The following TOX3 variants were observed in gnomAD, a reference collection of about 807,000 sequenced individuals.
The protein encoded by TOX3 is CAG trinucleotide repeat-containing gene F9 protein.
A neutral mutation model predicts 64.3 loss-of-function variants in TOX3; 22 were observed. That is an observed-to-expected ratio of 0.34 (90% confidence interval 0.24 to 0.49). The LOEUF (loss-of-function observed/expected upper bound fraction) is 0.49, where lower values mean the gene tolerates loss of function less well. Ranked by LOEUF, TOX3 falls within the 20% of genes least tolerant of loss-of-function variation. The pLI is 0.99. For synonymous variants in TOX3, 291 were observed against 273.6 expected (o/e 1.06, Z -0.63); for missense variants, 661 against 714.4 (o/e 0.93, Z 0.85).
At chr16:52,440,272 C>T (rs1293219621) in intron 6 of TOX3, among the ~76,000 whole-genome samples, 1 of 152,172 alleles carries the variant, frequency 6.6e-6, no homozygotes, top group Non-Finnish European at 1.5e-5. Flanking sequence ...TGATGACAGA[C>T]ATGTGGCCCA....
rs1034563483 is a variant in TOX3, at chr16:52,536,566, A to T, written c.87+10071T>A. ...TGTCAATCAATTCCCATGCCCATAC[A>T]TATTGTTCTCTCTCTCTCTCCTCTC... On this transcript the variant is annotated intron_variant, in intron 1 of 6. Coordinates refer to ENST00000219746, the MANE Select transcript of TOX3 (RefSeq NM_001080430.4). Among the ~76,000 whole-genome samples the T allele has an allele frequency of 2.1e-5, 3 of 146,106 alleles. No individual in the cohort carries two copies. In the East Asian group the frequency reaches 6.0e-4, roughly 29 times the overall value.
In TOX3 at chr16:52,546,994, G is replaced by T; in HGVS notation, c.-271C>A. ...CGAGGCAGCGCTGCGCGCGGGCCGGGCGCCGGGGGCGCGGGGCGCGGCGCT... is the reference window on the plus strand; with the variant it reads ...CGAGGCAGCGCTGCGCGCGGGCCGGTCGCCGGGGGCGCGGGGCGCGGCGCT... On this transcript the variant is annotated 5_prime_UTR_variant, in exon 1 of 7. Transcript: ENST00000219746. The T allele has an allele frequency of 1.0e-6, 1 of 970,618 alleles. No homozygotes were observed. The highest frequency in any genetic ancestry group is 1.2e-6 in the Non-Finnish European group (1 of 820,058). 60.1% of individuals were successfully genotyped at this position (970,618 alleles called of 1,614,324 possible).
chr16:52,470,735 C>T (rs1029285892), intron 1 of TOX3, among the ~76,000 whole-genome samples: 3 of 152,290 alleles, frequency 2.0e-5, no homozygotes, highest in African/African-American at 2.4e-5. Context: ...GAGCAGGCCA[C>T]GCAGCGTTTA....
chr16:52,537,015 C>T (rs1340827147), intron 1 of TOX3, among the ~76,000 whole-genome samples: 2 of 151,930 alleles, frequency 1.3e-5, no homozygotes, highest in African/African-American at 4.8e-5. Flanking sequence ...CTACAGTGTT[C>T]GTTCCAACAG....
chr16:52,515,570 C>T (rs1385312123), intron 1 of TOX3, among the ~76,000 whole-genome samples: 3 of 152,168 alleles, frequency 2.0e-5, no homozygotes, highest in Non-Finnish European at 2.9e-5. Flanking sequence ...AAATAACAGT[C>T]ATTATCACTC....
At chr16:52,449,297 C>T (rs1036005146) in intron 4 of TOX3, among the ~76,000 whole-genome samples, 5 of 152,200 alleles carry the variant, frequency 3.3e-5, no homozygotes, top group Non-Finnish European at 7.3e-5. Flanking sequence ...ACTTCTATTT[C>T]TCTCTTCCCC....
intron 6 of TOX3, among the ~76,000 whole-genome samples, chr16:52,442,047 G>GAA (rs1258438167): frequency 1.3e-5 from 2 of 152,144 alleles, no homozygotes; most frequent in Admixed American, 1.3e-4. Flanking sequence ...AAAACACAAA[G>GAA]AAAGTCTGTA....
In TOX3 at chr16:52,437,634, G is replaced by A. The variant is rs952007917; in HGVS notation, c.*1591C>T. Among the ~76,000 whole-genome samples, 2 of 152,082 alleles carry A rather than the reference G, an allele frequency of 1.3e-5. No homozygotes were observed. The highest frequency in any genetic ancestry group is 4.8e-5 in the African/African-American group (2 of 41,418). On this transcript the variant is annotated 3_prime_UTR_variant, in exon 7 of 7. Transcript: ENST00000219746. ...GAGGAACCGCTACAGAGCAAGAAAA[G>A]GGGGGAATAAATGGGCACCGAAATA... is the stretch of plus-strand genomic sequence containing the variant.
chr16:52,524,354 A>C (rs547232400), intron 1 of TOX3, among the ~76,000 whole-genome samples: 1 of 152,318 alleles, frequency 6.6e-6, no homozygotes, highest in Non-Finnish European at 1.5e-5. Context: ...AAAGAAAATG[A>C]TATATTAAAA....
chr16:52,524,066 G>T (rs1962670545), intron 1 of TOX3, among the ~76,000 whole-genome samples: 1 of 152,126 alleles, frequency 6.6e-6, no homozygotes, highest in Admixed American at 6.6e-5. Flanking sequence ...GCATCTTTCT[G>T]CATTTACTTA....
chr16:52,489,236 C>A (rs1038647170), intron 1 of TOX3, among the ~76,000 whole-genome samples: 5 of 152,136 alleles, frequency 3.3e-5, no homozygotes, highest in Non-Finnish European at 5.9e-5. Context: ...TCCCATTCAC[C>A]CTTAGAGTTA....
chr16:52,484,109 A>T (rs1961443818), intron 1 of TOX3, among the ~76,000 whole-genome samples: 1 of 152,164 alleles, frequency 6.6e-6, no homozygotes, highest in Admixed American at 6.5e-5. Flanking sequence ...TTGACCCTAA[A>T]CAAAATGTAA....
intron 3 of TOX3, among the ~76,000 whole-genome samples, 176 bp from the exon 4 acceptor site, chr16:52,450,722 T>A (rs975261597): frequency 6.7e-6 from 1 of 150,194 alleles, no homozygotes; most frequent in African/African-American, 2.5e-5. Flanking sequence ...GCCAAGAAGT[T>A]GAAAGTTGAG....
chr16:52,487,930 C>T (rs573905664), intron 1 of TOX3, among the ~76,000 whole-genome samples: 1 of 151,972 alleles, frequency 6.6e-6, no homozygotes, highest in Non-Finnish European at 1.5e-5. Context: ...CAAATTTTCC[C>T]CCACAATTCT....
chr16:52,464,081 G>A lies in TOX3; in HGVS notation c.261C>T (p.Pro87=). The change falls in exon 3 of 7, where the codon CCC becomes CCT. Residue 87 remains proline (P), a synonymous_variant. Transcript: ENST00000219746. ...GCAATGGATCGCTGAGGGCTTGAAA[G>A]GGTAGCAGTACATCCGGCATGCCTA... ...PALGMPDVLL[P]FQALSDPLPS... The A allele has an allele frequency of 1.9e-6, 3 of 1,604,954 alleles. No individual in the cohort carries two copies. The highest frequency in any genetic ancestry group is 2.6e-6 in the Non-Finnish European group (3 of 1,176,066).
Position 52,469,829 on chromosome 16 carries a change from T to TA in TOX3, c.88-1256dup, listed in dbSNP as rs542433826. ...TCTCAATCTCTGACTCTGAAGGACT[T>TA]ACACCCAGAAGCAGGATTGACATGC... On this transcript the variant is annotated intron_variant, in intron 1 of 6. Transcript: ENST00000219746. Among the ~76,000 whole-genome samples, 163 of 152,302 alleles carry TA rather than the reference T, an allele frequency of 1.1e-3. No homozygotes were observed. The Middle Eastern group carries it at 0.017, about 16-fold the overall frequency.
chr16:52,523,352 C>T (rs1962654113), intron 1 of TOX3, among the ~76,000 whole-genome samples: 2 of 152,056 alleles, frequency 1.3e-5, no homozygotes, highest in Admixed American at 1.3e-4. Flanking sequence ...AAATAATGTC[C>T]ACCACTGAGT....
intron 1 of TOX3, among the ~76,000 whole-genome samples, chr16:52,506,270 C>T (rs1044438009): frequency 4.6e-5 from 7 of 152,182 alleles, no homozygotes; most frequent in African/African-American, 1.2e-4. Context: ...ACTCTTTATA[C>T]ACATGTCCAA....
intron 2 of TOX3, among the ~76,000 whole-genome samples, chr16:52,465,844 T>A (rs950559317): frequency 6.6e-6 from 1 of 152,170 alleles, no homozygotes; most frequent in African/African-American, 2.4e-5. Flanking sequence ...ATCTTGAGGT[T>A]CTTAGCAGGC....
Sources: allele counts gnomAD v4.1 joint callset (sites outside exome capture counted in the v4.1 genomes callset), GRCh38; gene constraint gnomAD v4.1.1; transcripts MANE v1.5; gene names NCBI Gene and HGNC (gene_info 2026-07-23, HGNC 2026-07-21).